The following SLC41A3 variants were observed in gnomAD, a reference collection of about 807,000 sequenced individuals.
The protein encoded by SLC41A3 is solute carrier family 41 member 3.
SLC41A3 carries 44 observed loss-of-function variants against 45.4 expected under a neutral mutation model. The ratio of observed to expected loss-of-function variants is 0.97; its 90% confidence interval spans 0.76 to 1.25. The LOEUF (loss-of-function observed/expected upper bound fraction) is 1.25, where lower values mean the gene tolerates loss of function less well. Ranked by LOEUF, SLC41A3 falls within the 50% of genes most tolerant of loss-of-function variation. SLC41A3 has a pLI of 0.00. For missense variants in SLC41A3, 550 were observed against 600.6 expected (o/e 0.92, Z 0.88); for synonymous variants, 256 against 252.4 (o/e 1.01, Z -0.13).
intron 7 of SLC41A3, 130 bp from the exon 8 acceptor site, chr3:126,015,703 A>G: frequency 1.2e-6 from 1 of 845,230 alleles, no homozygotes; most frequent in Non-Finnish European, 1.9e-6. Flanking sequence ...CCCCTACACA[A>G]AATATCTGCT....
At chr3:126,077,571 T>C in intron 1 of SLC41A3, among the ~76,000 whole-genome samples, 1 of 152,138 alleles carries the variant, frequency 6.6e-6, no homozygotes, top group Admixed American at 6.5e-5. Flanking sequence ...AGTATACATC[T>C]CTGGCCCGTG....
In SLC41A3 at chr3:126,026,576, AC is replaced by A; in HGVS notation, c.454-98del. On this transcript the variant is annotated intron_variant, in intron 4 of 10. Coordinates refer to ENST00000360370, the MANE Select transcript of SLC41A3 (RefSeq NM_017836.4). The surrounding 1 kb of genome is among the most constrained non-coding windows in gnomAD (Gnocchi z 4.2). ...CACTCACCGCAAGGGGCCGGGTGCC[AC>A]ATGCTACTGCCTCCTTTCCCTTACC... 1.4e-6 allele frequency: 2 copies of A among 1,449,246 alleles called. No individual in the cohort carries two copies. Among genetic ancestry groups the A allele is most frequent in the Non-Finnish European group, 1.9e-6 (2 of 1,069,724 alleles). 89.8% of individuals were successfully genotyped at this position (1,449,246 alleles called of 1,614,324 possible). A position where few individuals can be genotyped will look rare whatever the true frequency, so the allele number is the denominator to read the frequency against.
intron 4 of SLC41A3, among the ~76,000 whole-genome samples, chr3:126,033,383 G>C (rs960339830): frequency 6.7e-6 from 1 of 148,452 alleles, no homozygotes; most frequent in African/African-American, 2.5e-5. Flanking sequence ...GGAAAGGAGG[G>C]AGTGGGGAAG....
At chr3:126,018,666 TTGTC>T (rs1356843022) in intron 6 of SLC41A3, among the ~76,000 whole-genome samples, 1 of 152,228 alleles carries the variant, frequency 6.6e-6, no homozygotes, top group Non-Finnish European at 1.5e-5. Flanking sequence ...GCTCTTCCCT[TTGTC>T]TGGGCACTTC....
upstream of SLC41A3, among the ~76,000 whole-genome samples, chr3:126,087,701 G>T (rs1945420800): frequency 6.6e-6 from 1 of 151,868 alleles, no homozygotes; most frequent in Non-Finnish European, 1.5e-5. Context: ...TGACTAGGTT[G>T]TTCAAGAAAG....
chr3:126,032,837 T>G (rs1280805263), intron 4 of SLC41A3, among the ~76,000 whole-genome samples: 1 of 152,190 alleles, frequency 6.6e-6, no homozygotes, highest in Non-Finnish European at 1.5e-5. Flanking sequence ...AACAATGGGC[T>G]GATCTGATCT....
At chr3:126,009,843 A>C (rs1490248521) in intron 9 of SLC41A3, among the ~76,000 whole-genome samples, 1 of 152,272 alleles carries the variant, frequency 6.6e-6, no homozygotes, top group Non-Finnish European at 1.5e-5. Flanking sequence ...AACAATAAGA[A>C]TTCAATAAAA....
intron 3 of SLC41A3, among the ~76,000 whole-genome samples, chr3:126,044,661 C>T (rs112400602): frequency 6.6e-5 from 10 of 151,808 alleles, no homozygotes; most frequent in South Asian, 4.2e-4. Context: ...TTTGGGAGGC[C>T]GAGACGGGTG....
intron 2 of SLC41A3, among the ~76,000 whole-genome samples, chr3:126,052,333 C>T (rs568772292): frequency 1.1e-4 from 17 of 152,218 alleles, no homozygotes; most frequent in African/African-American, 3.9e-4. Context: ...TCAAGTACTC[C>T]CCAGCTGGCC....
At chr3:126,027,003 C>T (rs536074847) in intron 4 of SLC41A3, among the ~76,000 whole-genome samples, 58 of 152,304 alleles carry the variant, frequency 3.8e-4, no homozygotes, top group Non-Finnish European at 6.3e-4. Flanking sequence ...CCACAGCCTG[C>T]GCCAGGAGCT....
At chr3:126,061,858 C>T (rs1944088253) in intron 2 of SLC41A3, among the ~76,000 whole-genome samples, 1 of 152,118 alleles carries the variant, frequency 6.6e-6, no homozygotes, top group Non-Finnish European at 1.5e-5. Flanking sequence ...CTCTCTTGGG[C>T]TCTGTCATCT....
rs760343317 is a variant in SLC41A3 at position 126,008,897 on chromosome 3, CAAG to C, written c.1106-20_1106-18del. On this transcript the variant is annotated intron_variant, in intron 9 of 10. Coordinates refer to ENST00000360370, the MANE Select transcript of SLC41A3 (RefSeq NM_017836.4). ...AATTGATTTCTGAAAGAAACAGAAC[CAAG>C]AAGGTCATGTGACCTGAAGCGAGGC... is the stretch of plus-strand genomic sequence containing the variant. 19 of 1,612,982 alleles carry C rather than the reference CAAG, an allele frequency of 1.2e-5. No homozygotes were observed. In the African/African-American group the frequency reaches 2.3e-4, roughly 19 times the overall value.
At chr3:126,057,614 G>C (rs73198409) in intron 2 of SLC41A3, among the ~76,000 whole-genome samples, 2 of 152,096 alleles carry the variant, frequency 1.3e-5, no homozygotes, top group Non-Finnish European at 2.9e-5. Flanking sequence ...TTCTCCCGTC[G>C]GACTATCCCA....
chr3:126,021,966 G>A (rs893928538), intron 6 of SLC41A3, among the ~76,000 whole-genome samples: 1 of 152,176 alleles, frequency 6.6e-6, no homozygotes, highest in Non-Finnish European at 1.5e-5. Context: ...AAGATAATGG[G>A]GGAGGCAGTT....
chr3:126,061,194 A>T (rs1233301174), intron 2 of SLC41A3, among the ~76,000 whole-genome samples: 2 of 152,222 alleles, frequency 1.3e-5, no homozygotes, highest in African/African-American at 4.8e-5. Flanking sequence ...TCTTACAGGC[A>T]TGAATTCTTC....
At chr3:126,013,630 C>T (rs752702456) in intron 8 of SLC41A3, among the ~76,000 whole-genome samples, 6 of 151,762 alleles carry the variant, frequency 4.0e-5, no homozygotes, top group Non-Finnish European at 8.8e-5. Context: ...GGTGGCAAAG[C>T]AAGCATGCGG....
intron 5 of SLC41A3, chr3:126,024,712 G>C (rs1453694025): frequency 6.6e-6 from 1 of 152,256 alleles, no homozygotes; most frequent in Non-Finnish European, 1.5e-5. Context: ...CAATTATGAA[G>C]TTATCAACTT....
chr3:126,058,333 C>T (rs1943805234), intron 2 of SLC41A3: 2 of 152,444 alleles, frequency 1.3e-5, no homozygotes, highest in Non-Finnish European at 2.9e-5. Context: ...AACTCCCAAA[C>T]CTCTCACAGC....
At chr3:126,010,402 G>A (rs972788477) in intron 9 of SLC41A3, among the ~76,000 whole-genome samples, 4 of 152,158 alleles carry the variant, frequency 2.6e-5, no homozygotes, top group African/African-American at 9.7e-5. Flanking sequence ...AACCAGGGAG[G>A]TGGAGGTTGC....
Sources: allele counts gnomAD v4.1 joint callset (sites outside exome capture counted in the v4.1 genomes callset), GRCh38; gene constraint gnomAD v4.1.1; non-coding constraint Gnocchi (gnomAD v3.1); transcripts MANE v1.5; gene names NCBI Gene and HGNC (gene_info 2026-07-23, HGNC 2026-07-21).